PLCG2: variants seen among roughly 807,000 people sequenced by gnomAD.
PLCG2 encodes the protein 1-phosphatidylinositol 4,5-bisphosphate phosphodiesterase gamma-2.
PLCG2 carries 69 observed loss-of-function variants against 175.6 expected under a neutral mutation model. That is an observed-to-expected ratio of 0.39 (90% CI 0.32 to 0.48). The LOEUF is 0.48. Ranked by LOEUF, PLCG2 falls within the 20% of genes least tolerant of loss-of-function variation. The pLI, the probability that PLCG2 is intolerant of heterozygous loss-of-function variation, is 0.91. For missense variants in PLCG2, 1,798 were observed against 1,650.9 expected, an observed-to-expected ratio of 1.09 and a Z score of -1.54; for synonymous variants, 827 against 624.0, an observed-to-expected ratio of 1.33 and a Z score of -4.85.
chr16:81,926,958 G>A, intron 22 of PLCG2, 124 bp from the exon 23 acceptor site: 1 of 689,304 alleles, frequency 1.5e-6, no homozygotes, highest in Non-Finnish European at 2.6e-6. Flanking sequence ...TAGTGACACT[G>A]GTCACTTGGC....
intron 5 of PLCG2, among the ~76,000 whole-genome samples, chr16:81,861,407 C>G (rs1906973319): frequency 6.6e-6 from 1 of 152,210 alleles, no homozygotes; most frequent in African/African-American, 2.4e-5. Context: ...TCCCTGGTTT[C>G]TTCACATGCC....
chr16:81,760,559 A>T (rs1357506424), intron 2 of PLCG2, among the ~76,000 whole-genome samples: 3 of 151,992 alleles, frequency 2.0e-5, no homozygotes. Context: ...GGAGGCAGTC[A>T]AACATAGGAG....
At chr16:81,839,012 C>T (rs561384446) in intron 2 of PLCG2, among the ~76,000 whole-genome samples, 1 of 152,142 alleles carries the variant, frequency 6.6e-6, no homozygotes, top group Admixed American at 6.5e-5. Flanking sequence ...CCCTTTATGA[C>T]TCACAGAACC....
At chr16:81,782,084 G>T (rs935577681) in intron 1 of PLCG2, among the ~76,000 whole-genome samples, 3 of 152,028 alleles carry the variant, frequency 2.0e-5, no homozygotes, top group Middle Eastern at 3.2e-3. Context: ...CATCGTGTTA[G>T]CCAGGATGGT....
intron 17 of PLCG2, among the ~76,000 whole-genome samples, chr16:81,909,148 A>G (rs1909508744): frequency 6.6e-6 from 1 of 152,238 alleles, no homozygotes; most frequent in South Asian, 2.1e-4. Flanking sequence ...CCAGACAGAC[A>G]ATGTCTTTGT....
At position 81,900,697 on chromosome 16, in the gene PLCG2, G is replaced by A. The variant is rs780141402; in HGVS notation, c.1279G>A (p.Asp427Asn). Residue 427 changes from aspartate (D) to asparagine (N), a missense_variant, in exon 14 of 33, where the codon GAC (aspartate) becomes AAC (asparagine). Physicochemically the swap from Asp to Asn is conservative, Grantham distance 23 (BLOSUM62 1). Coordinates refer to ENST00000564138, the MANE Select transcript of PLCG2 (RefSeq NM_002661.5). ...MAKAFKEVFG[D>N]LLLTKPTEAS... The stretch of plus-strand genomic sequence containing the variant: ...CAAGGCCTTCAAGGAAGTATTTGGC[G>A]ACCTGCTGTTGACGAAGCCCACGGA... The A allele has an allele frequency of 4.2e-5, 67 of 1,613,292 alleles. No individual in the cohort carries two copies. The highest frequency in any genetic ancestry group is 5.3e-5 in the Non-Finnish European group (62 of 1,179,384).
chr16:81,855,192 CAA>C (rs35058756), intron 3 of PLCG2, among the ~76,000 whole-genome samples: 22 of 102,918 alleles, frequency 2.1e-4, no homozygotes, highest in Admixed American at 3.1e-4. Context: ...GACTCTGTCT[CAA>C]AAAAAAAAAA....
chr16:81,858,099 C>G lies in PLCG2; in HGVS notation c.338-164C>G, dbSNP rs1360121103. The G allele has an allele frequency of 2.9e-5, 18 of 613,388 alleles. No homozygotes were observed. The East Asian group carries it at 4.4e-4, about 15-fold the overall frequency. 38.0% of individuals were successfully genotyped at this position (613,388 alleles called of 1,614,324 possible). ...CCCCATCTCAGACAAAAAGCAGGTC[C>G]TAGGGCCATGACGGTGTGAAAGGGG... On this transcript the variant is annotated intron_variant, in intron 3 of 32. Transcript: ENST00000564138.
intron 12 of PLCG2, 67 bp from the exon 13 acceptor site, chr16:81,895,740 C>T (rs908438096): frequency 8.8e-6 from 14 of 1,588,810 alleles, no homozygotes; most frequent in East Asian, 4.5e-5. Flanking sequence ...GTGTGTGGGC[C>T]GGGGGCTGAC....
chr16:81,826,352 C>T (rs544573243), intron 2 of PLCG2, among the ~76,000 whole-genome samples: 1 of 152,234 alleles, frequency 6.6e-6, no homozygotes, highest in South Asian at 2.1e-4. Flanking sequence ...TGTGTCCTCA[C>T]CTAGGTGCAG....
intron 7 of PLCG2, among the ~76,000 whole-genome samples, chr16:81,873,390 A>C (rs945255070): frequency 2.0e-5 from 3 of 152,254 alleles, no homozygotes; most frequent in African/African-American, 7.2e-5. Context: ...CTTTAAAAAT[A>C]GTCCTTGAGA....
intron 7 of PLCG2, among the ~76,000 whole-genome samples, chr16:81,879,149 T>C (rs1907957704): frequency 6.6e-6 from 1 of 152,096 alleles, no homozygotes; most frequent in Admixed American, 6.5e-5. Context: ...GCTGAAGAAT[T>C]GCATGTGGTG....
intron 13 of PLCG2, among the ~76,000 whole-genome samples, chr16:81,899,071 C>G (rs888041029): frequency 6.6e-6 from 1 of 152,080 alleles, no homozygotes; most frequent in Admixed American, 6.5e-5. Flanking sequence ...TACCTGTAAT[C>G]TCAGCTACTC....
At chr16:81,801,508 G>C (rs1170449947) in intron 2 of PLCG2, among the ~76,000 whole-genome samples, 1 of 152,108 alleles carries the variant, frequency 6.6e-6, no homozygotes, top group East Asian at 1.9e-4. Flanking sequence ...AGTACAGCAC[G>C]ATAGATTGAT....
At chr16:81,876,753 T>A (rs1367133995) in intron 7 of PLCG2, among the ~76,000 whole-genome samples, 2 of 152,212 alleles carry the variant, frequency 1.3e-5, no homozygotes, top group African/African-American at 4.8e-5. Context: ...CAGAGTGACA[T>A]AAGGCCCAGT....
At chr16:81,753,921 C>T (rs1909865020) in intron 1 of PLCG2, among the ~76,000 whole-genome samples, 1 of 152,144 alleles carries the variant, frequency 6.6e-6, no homozygotes, top group African/African-American at 2.4e-5. Context: ...GGCCAACAGC[C>T]AGGGCTCCAT....
chr16:81,856,668 TA>T (rs1238471880), intron 3 of PLCG2, among the ~76,000 whole-genome samples: 1 of 152,206 alleles, frequency 6.6e-6, no homozygotes, highest in African/African-American at 2.4e-5. Flanking sequence ...GCTAAATCCC[TA>T]AGCCAGTGGT....
chr16:81,753,531 G>A (rs1455068104), intron 1 of PLCG2, among the ~76,000 whole-genome samples: 2 of 151,534 alleles, frequency 1.3e-5, no homozygotes, highest in African/African-American at 4.9e-5. Context: ...CGATTCTCCT[G>A]TATCAGCCTC....
chr16:81,854,667 C>T, intron 3 of PLCG2, 80 bp downstream of exon 3: 1 of 1,278,214 alleles, frequency 7.8e-7, no homozygotes, highest in Non-Finnish European at 1.1e-6. Flanking sequence ...GCAGAATGCT[C>T]ACCCCTGCCT....
Sources: allele counts gnomAD v4.1 joint callset (sites outside exome capture counted in the v4.1 genomes callset), GRCh38; gene constraint gnomAD v4.1.1; transcripts MANE v1.5; gene names NCBI Gene and HGNC (gene_info 2026-07-23, HGNC 2026-07-21).